GAB1: variants seen among roughly 807,000 people sequenced by gnomAD.
GAB1 encodes the protein GRB2-associated-binding protein 1.
A neutral mutation model predicts 66.5 loss-of-function variants in GAB1; 19 were observed. The observed-to-expected ratio is 0.29, with a 90% CI of 0.20 to 0.42. The LOEUF is 0.42. Among genes scored for constraint, GAB1 ranks in the 10% least tolerant of loss-of-function variants. The pLI, the probability that GAB1 is intolerant of heterozygous loss-of-function variation, is 1.00. For missense variants in GAB1, 732 were observed against 858.5 expected (o/e 0.85, Z 1.84); for synonymous variants, 294 against 301.4 (o/e 0.98, Z 0.25).
rs1728669442 is a variant in GAB1, at chr4:143,336,911, T to C, written c.-278T>C. ...TGAGTCCGAGCGCTGCTGAGGCAGCTGGCGAGACGGCACGTCTGGAGGCGA... is the reference window on the plus strand; with the variant it reads ...TGAGTCCGAGCGCTGCTGAGGCAGCCGGCGAGACGGCACGTCTGGAGGCGA... On this transcript the variant is annotated 5_prime_UTR_variant, in exon 1 of 10. Coordinates refer to ENST00000262994, the MANE Select transcript of GAB1 (RefSeq NM_002039.4). 7 of 459,026 alleles carry C rather than the reference T, an allele frequency of 1.5e-5. No individual in the cohort carries two copies. Among genetic ancestry groups the C allele is most frequent in the Non-Finnish European group, 2.7e-5 (7 of 258,228 alleles). 28.4% of individuals were successfully genotyped at this position (459,026 alleles called of 1,614,324 possible). A position where few individuals can be genotyped will look rare whatever the true frequency, so the allele number is the denominator to read the frequency against.
Position 143,399,940 on chromosome 4 carries a change from C to CTTT in GAB1, c.73-15523_73-15521dup, listed in dbSNP as rs34740795. On this transcript the variant is annotated intron_variant, in intron 1 of 9. Coordinates refer to ENST00000262994, the MANE Select transcript of GAB1 (RefSeq NM_002039.4). ...CATCCACACTAAATTGAGTCTTGCTCTTTTTTTTTTTTTTTTCGAGATAGG... is the reference window on the plus strand; with the variant it reads ...CATCCACACTAAATTGAGTCTTGCTCTTTTTTTTTTTTTTTTTTTCGAGATAGG... Among the ~76,000 whole-genome samples the CTTT allele has an allele frequency of 8.8e-4, 119 of 134,740 alleles. 2 individuals are homozygous for CTTT. Among genetic ancestry groups the CTTT allele is most frequent in the South Asian group, 1.4e-3 (6 of 4,164 alleles). 88.4% of individuals were successfully genotyped at this position (134,740 alleles called of 152,430 possible).
At chr4:143,366,568 A>G (rs1405196439) in intron 1 of GAB1, among the ~76,000 whole-genome samples, 1 of 152,114 alleles carries the variant, frequency 6.6e-6, no homozygotes, top group Non-Finnish European at 1.5e-5. Context: ...AAGTTTCTAT[A>G]TTAGGTATTC....
chr4:143,357,300 C>T (rs1729486125), intron 1 of GAB1, among the ~76,000 whole-genome samples: 1 of 152,270 alleles, frequency 6.6e-6, no homozygotes, highest in South Asian at 2.1e-4. Flanking sequence ...AGTTTTGTGG[C>T]CTGACATCTG....
chr4:143,452,011 G>A (rs1187076243), intron 6 of GAB1, among the ~76,000 whole-genome samples: 1 of 152,150 alleles, frequency 6.6e-6, no homozygotes, highest in African/African-American at 2.4e-5. Context: ...TGTTTCTTAG[G>A]GTTGTGTGAA....
intron 1 of GAB1, among the ~76,000 whole-genome samples, chr4:143,385,024 T>C (rs1002651875): frequency 5.2e-4 from 79 of 152,208 alleles, no homozygotes; most frequent in African/African-American, 1.7e-3. Context: ...ACACAGTGGC[T>C]TGTCCTTGAC....
intron 9 of GAB1, among the ~76,000 whole-genome samples, chr4:143,468,134 G>A (rs1474297750): frequency 1.4e-5 from 2 of 147,298 alleles, no homozygotes; most frequent in Non-Finnish European, 1.5e-5. Context: ...GGTTGTCTAT[G>A]TTAAGATGAA....
chr4:143,355,571 AAAC>A (rs1419895741), intron 1 of GAB1, among the ~76,000 whole-genome samples: 2 of 152,146 alleles, frequency 1.3e-5, no homozygotes, highest in Admixed American at 1.3e-4. Context: ...GTAGCATTGG[AAAC>A]AACAGAAGGG....
chr4:143,367,188 T>C (rs1453974722), intron 1 of GAB1, among the ~76,000 whole-genome samples: 1 of 152,196 alleles, frequency 6.6e-6, no homozygotes, highest in African/African-American at 2.4e-5. Context: ...ATTGGGAAGC[T>C]ACAAAACTTT....
At chr4:143,405,083 G>T (rs577821874) in intron 1 of GAB1, among the ~76,000 whole-genome samples, 2 of 152,236 alleles carry the variant, frequency 1.3e-5, no homozygotes, top group African/African-American at 4.8e-5. Context: ...ATTTAAACAA[G>T]ACGTTATTAA....
intron 1 of GAB1, among the ~76,000 whole-genome samples, chr4:143,350,610 G>A (rs1560713126): frequency 6.6e-6 from 1 of 150,720 alleles, no homozygotes; most frequent in South Asian, 2.1e-4. Flanking sequence ...CCCGGGAGGC[G>A]GAGGTTGCGG....
chr4:143,470,258 T>C lies in GAB1; in HGVS notation c.*1069T>C, dbSNP rs1736011886. On this transcript the variant is annotated 3_prime_UTR_variant, in exon 10 of 10. Transcript: ENST00000262994. ...TTTTACTTAATATTCTTCTTGGCCT[T>C]ATATTTAATTCCCTATGCAATTAAT... 6.6e-6 allele frequency: 1 copy of C among 152,238 alleles called. No individual in the cohort carries two copies. 9.4% of individuals were successfully genotyped at this position (152,238 alleles called of 1,614,324 possible). A position where few individuals can be genotyped will look rare whatever the true frequency, so the allele number is the denominator to read the frequency against.
intron 1 of GAB1, among the ~76,000 whole-genome samples, chr4:143,377,577 G>T (rs1457371365): frequency 6.6e-6 from 1 of 152,026 alleles, no homozygotes; most frequent in African/African-American, 2.4e-5. Flanking sequence ...AACTTTTTTG[G>T]ATCATTATGA....
intron 1 of GAB1, chr4:143,395,698 A>G (rs1278913514): frequency 6.1e-6 from 2 of 329,856 alleles, no homozygotes; most frequent in African/African-American, 4.4e-5. Context: ...GGGCATTATA[A>G]TAAATATGAA....
At chr4:143,352,977 A>T (rs370654539) in intron 1 of GAB1, among the ~76,000 whole-genome samples, 2 of 152,230 alleles carry the variant, frequency 1.3e-5, no homozygotes, top group East Asian at 1.9e-4. Flanking sequence ...AAAGGTTAGA[A>T]TATGAGAAAG....
chr4:143,455,064 G>A (rs1003246799), intron 6 of GAB1, among the ~76,000 whole-genome samples: 2 of 152,030 alleles, frequency 1.3e-5, no homozygotes, highest in Admixed American at 6.6e-5. Context: ...ACACAGGCTC[G>A]GGTAACTTTC....
At chr4:143,439,629 G>C (rs1047909792) in intron 4 of GAB1, 173 bp from the exon 5 acceptor site, 1 of 573,206 alleles carries the variant, frequency 1.7e-6, no homozygotes, top group African/African-American at 1.9e-5. Context: ...GCATTTTCTA[G>C]TGGTTTAATA....
intron 1 of GAB1, among the ~76,000 whole-genome samples, chr4:143,394,506 A>G (rs1273671273): frequency 6.6e-6 from 1 of 152,196 alleles, no homozygotes; most frequent in African/African-American, 2.4e-5. Flanking sequence ...TTAACTGAAT[A>G]TACATTATAT....
At chr4:143,419,719 A>T (rs1253843792) in intron 2 of GAB1, among the ~76,000 whole-genome samples, 1 of 152,120 alleles carries the variant, frequency 6.6e-6, no homozygotes, top group Non-Finnish European at 1.5e-5. Context: ...TTTATTTTTT[A>T]AATTCTATGA....
Position 143,337,056 on chromosome 4 carries a change from C to G in GAB1, c.-133C>G. On this transcript the variant is annotated 5_prime_UTR_variant, in exon 1 of 10. Coordinates refer to ENST00000262994, the MANE Select transcript of GAB1 (RefSeq NM_002039.4). Reference sequence around the variant, plus strand: ...GAACCCGCGCACCGTGGAGTCTGTCCGCCCAGTCCGTCCGGGGTGCGCGAC... The same window carrying G: ...GAACCCGCGCACCGTGGAGTCTGTCGGCCCAGTCCGTCCGGGGTGCGCGAC... 1.4e-6 allele frequency: 1 copy of G among 724,240 alleles called. No homozygotes were observed. The highest frequency in any genetic ancestry group is 2.3e-6 in the Non-Finnish European group (1 of 436,992). 44.9% of individuals were successfully genotyped at this position (724,240 alleles called of 1,614,324 possible).
Sources: allele counts gnomAD v4.1 joint callset (sites outside exome capture counted in the v4.1 genomes callset), GRCh38; gene constraint gnomAD v4.1.1; transcripts MANE v1.5; gene names NCBI Gene and HGNC (gene_info 2026-07-23, HGNC 2026-07-21).